The following MCCC1 variants were observed in gnomAD, a reference collection of about 807,000 sequenced individuals.
MCCC1 encodes methylcrotonoyl-CoA carboxylase subunit alpha, mitochondrial.
In MCCC1, 64 loss-of-function variants were observed where a neutral mutation model predicts 83.8. That is an observed-to-expected ratio of 0.76 (90% confidence interval 0.62 to 0.94). The LOEUF is 0.94. Ranked by LOEUF, MCCC1 falls within the 40% of genes least tolerant of loss-of-function variation. The pLI is 0.00. For synonymous variants in MCCC1, 322 were observed against 315.4 expected (o/e 1.02, Z -0.22); for missense variants, 807 against 904.7 (o/e 0.89, Z 1.39).
At chr3:183,075,647 T>A (rs943189730) in intron 4 of MCCC1, among the ~76,000 whole-genome samples, 18 of 151,812 alleles carry the variant, frequency 1.2e-4, no homozygotes, top group Non-Finnish European at 2.4e-4. Flanking sequence ...TTCACGCCAT[T>A]CTCCTGCCTC....
intron 1 of MCCC1, among the ~76,000 whole-genome samples, chr3:183,107,690 A>C (rs772639205): frequency 6.7e-6 from 1 of 149,954 alleles, no homozygotes; most frequent in African/African-American, 2.4e-5. Flanking sequence ...TTACAGGCGC[A>C]TGCCACCACG....
intron 7 of MCCC1, among the ~76,000 whole-genome samples, chr3:183,065,965 A>T (rs1716226443): frequency 6.6e-6 from 1 of 152,208 alleles, no homozygotes; most frequent in Non-Finnish European, 1.5e-5. Flanking sequence ...ATTGGGTTTA[A>T]CATTAATAGT....
intron 7 of MCCC1, among the ~76,000 whole-genome samples, chr3:183,061,297 G>A (rs1715815695): frequency 6.6e-6 from 1 of 152,070 alleles, no homozygotes; most frequent in African/African-American, 2.4e-5. Flanking sequence ...GACTAAAGGG[G>A]GTTGTGGTTG....
At chr3:183,082,092 C>T (rs535863575) in intron 4 of MCCC1, among the ~76,000 whole-genome samples, 3 of 152,358 alleles carry the variant, frequency 2.0e-5, no homozygotes, top group East Asian at 3.9e-4. Flanking sequence ...CACCTGCCTA[C>T]GGCCCCCCAA....
chr3:183,025,685 A>G (rs1712537256), intron 15 of MCCC1, 70 bp downstream of exon 15: 1 of 1,317,306 alleles, frequency 7.6e-7, no homozygotes, highest in Non-Finnish European at 1.1e-6. Flanking sequence ...CCAGAGAGTG[A>G]AAGACCCTAT....
chr3:183,066,519 G>C (rs762370883), intron 7 of MCCC1, among the ~76,000 whole-genome samples: 1 of 152,126 alleles, frequency 6.6e-6, no homozygotes, highest in Non-Finnish European at 1.5e-5. Context: ...TGGTCAGGCT[G>C]GTCTCAAACT....
At chr3:183,062,371 T>G (rs1577314717) in intron 7 of MCCC1, among the ~76,000 whole-genome samples, 1 of 74,286 alleles carries the variant, frequency 1.3e-5, no homozygotes, top group African/African-American at 4.5e-5. Flanking sequence ...TTTTTTTTTT[T>G]TGAGATGGAG....
chr3:183,040,656 A>G (rs1714005739), intron 11 of MCCC1, among the ~76,000 whole-genome samples: 1 of 152,030 alleles, frequency 6.6e-6, no homozygotes, highest in Non-Finnish European at 1.5e-5. Context: ...CAGGGAGATA[A>G]AGGTTGTAGT....
intron 8 of MCCC1, among the ~76,000 whole-genome samples, chr3:183,054,344 C>T (rs1381292462): frequency 6.6e-6 from 1 of 151,954 alleles, no homozygotes; most frequent in Non-Finnish European, 1.5e-5. Flanking sequence ...TGCCACCATG[C>T]CCGGCTATTT....
intron 1 of MCCC1, among the ~76,000 whole-genome samples, chr3:183,112,273 G>A (rs545507234): frequency 2.0e-5 from 3 of 152,270 alleles, no homozygotes; most frequent in African/African-American, 7.2e-5. Flanking sequence ...AAAAATGAGG[G>A]AAATTTATTT....
intron 9 of MCCC1, among the ~76,000 whole-genome samples, chr3:183,048,684 T>C (rs1005317531): frequency 3.3e-5 from 5 of 152,222 alleles, no homozygotes; most frequent in Non-Finnish European, 7.3e-5. Flanking sequence ...TAAATAGATA[T>C]GGATGATCCA....
At chr3:183,112,138 A>G (rs1576860819) in intron 1 of MCCC1, among the ~76,000 whole-genome samples, 2 of 152,148 alleles carry the variant, frequency 1.3e-5, no homozygotes, top group South Asian at 4.1e-4. Flanking sequence ...GGGCCCAGGC[A>G]TTTTCCTCAT....
chr3:183,103,712 G>A (rs1384630913), upstream of MCCC1, among the ~76,000 whole-genome samples: 1 of 152,248 alleles, frequency 6.6e-6, no homozygotes, highest in African/African-American at 2.4e-5. Context: ...GGGGCTGCAG[G>A]TGGAGCTGCC....
rs757658359 is a variant in MCCC1 at position 183,094,512 on chromosome 3, T to C, written c.136+47A>G. 4.4e-6 allele frequency: 7 copies of C among 1,582,836 alleles called. No individual in the cohort carries two copies. In the African/African-American group the frequency reaches 8.1e-5, roughly 18 times the overall value. Reference sequence around the variant, plus strand: ...TTAAACATTTCCCTTTCTTAAACACTTCCAGTCTGAAGCAAAATCAAATAG... The same window carrying C: ...TTAAACATTTCCCTTTCTTAAACACCTCCAGTCTGAAGCAAAATCAAATAG... On this transcript the variant is annotated intron_variant, in intron 2 of 18. Transcript: ENST00000265594.
intron 10 of MCCC1, among the ~76,000 whole-genome samples, chr3:183,043,041 G>T (rs541212212): frequency 5.3e-5 from 8 of 152,348 alleles, no homozygotes; most frequent in Admixed American, 2.6e-4. Context: ...TGTAATCCCA[G>T]CAATTTGGGA....
upstream of MCCC1, among the ~76,000 whole-genome samples, chr3:183,102,861 A>C (rs934042863): frequency 8.4e-5 from 11 of 130,310 alleles, no homozygotes; most frequent in African/African-American, 3.2e-4. Flanking sequence ...ATCTCGGCTC[A>C]CTGCAACCTC....
intron 5 of MCCC1, 147 bp from the exon 6 acceptor site, chr3:183,071,504 A>G (rs750304170): frequency 1.3e-5 from 16 of 1,201,030 alleles, no homozygotes; most frequent in African/African-American, 3.1e-5. Flanking sequence ...TACAAATTTA[A>G]TATGTCTATT....
chr3:183,057,324 T>G lies in MCCC1; in HGVS notation c.860A>C (p.Glu287Ala), dbSNP rs1267237320. 1 of 1,606,132 alleles carries G rather than the reference T, an allele frequency of 6.2e-7. No individual in the cohort carries two copies. The highest frequency in any genetic ancestry group is 1.7e-5 in the Admixed American group (1 of 59,270). The change falls in exon 8 of 19, where the codon GAG (glutamate) becomes GCG (alanine). Residue 287 changes from glutamate (E) to alanine (A), a missense_variant. Physicochemically the swap from Glu to Ala is moderately radical, Grantham distance 107. Coordinates refer to ENST00000265594, the MANE Select transcript of MCCC1 (RefSeq NM_020166.5). ...CAAGGTCCTTACCGCTGGGGCCTCC[T>G]CAATGATCTTCTGATGTCGCCTCTG... ...SVQRRHQKII[E>A]EAPAPGIKSE... is the part of the protein sequence containing the mutation.
chr3:183,034,224 G>A (rs997965360), intron 13 of MCCC1, 147 bp from the exon 14 acceptor site: 5 of 618,436 alleles, frequency 8.1e-6, no homozygotes, highest in Non-Finnish European at 1.5e-5. Flanking sequence ...GCCAAGGCGG[G>A]CGGATCATGA....
Sources: gnomAD v4.1 joint callset for allele counts (sites outside exome capture counted in the v4.1 genomes callset) on GRCh38, gnomAD v4.1.1 for gene constraint, MANE v1.5 for transcripts, NCBI Gene and HGNC (gene_info 2026-07-23, HGNC 2026-07-21) for gene names.